Variants in RAP1B observed in about 807,000 individuals in gnomAD.
RAP1B encodes RAP1B, member of RAS oncogene family.
RAP1B carries 1 observed loss-of-function variant against 27.5 expected under a neutral mutation model. The observed-to-expected ratio is 0.04, with a 90% CI of 0.01 to 0.17. The LOEUF is 0.17. Ranked by LOEUF, RAP1B falls within the 10% of genes least tolerant of loss-of-function variation. The pLI is 1.00. For synonymous variants in RAP1B, 75 were observed against 73.1 expected (o/e 1.03, Z -0.13); for missense variants, 84 against 214.8 (o/e 0.39, Z 3.81).
chr12:68,651,903 G>A (rs1027188195), intron 3 of RAP1B, 92 bp from the exon 4 acceptor site: 20 of 951,300 alleles, frequency 2.1e-5, no homozygotes, highest in Middle Eastern at 2.5e-4. Context: ...AAATCTGTGT[G>A]TCTTATTTTT....
chr12:68,629,705 C>G (rs1326765276), intron 1 of RAP1B, among the ~76,000 whole-genome samples: 1 of 152,030 alleles, frequency 6.6e-6, no homozygotes, highest in East Asian at 1.9e-4. Context: ...TTAAACAACT[C>G]AATCTGTTAA....
chr12:68,620,466 G>A (rs1475975708), intron 1 of RAP1B, among the ~76,000 whole-genome samples: 16 of 151,832 alleles, frequency 1.1e-4, no homozygotes, highest in African/African-American at 3.6e-4. Context: ...CAGGTGATCC[G>A]CCCACCTCGG....
intron 1 of RAP1B, among the ~76,000 whole-genome samples, chr12:68,617,332 G>A (rs1871098757): frequency 6.6e-6 from 1 of 152,258 alleles, no homozygotes; most frequent in South Asian, 2.1e-4. Flanking sequence ...ACATATTTGT[G>A]GCTGATGCTT....
Position 68,662,797 on chromosome 12 carries a change from GAC to G in RAP1B, c.*3550_*3551del, listed in dbSNP as rs1874672355. ...TTTTTTTTTCAAACAAAACAAATCT[GAC>G]AGCCTGGGCAACATAGACCCCATCT... On this transcript the variant is annotated 3_prime_UTR_variant, in exon 8 of 8. Coordinates refer to ENST00000250559, the MANE Select transcript of RAP1B (RefSeq NM_001010942.3). 2 of 151,672 alleles carry G rather than the reference GAC, an allele frequency of 1.3e-5. No individual in the cohort carries two copies. The highest frequency in any genetic ancestry group is 4.8e-5 in the African/African-American group (2 of 41,278). 9.4% of individuals were successfully genotyped at this position (151,672 alleles called of 1,614,324 possible). A position where few individuals can be genotyped will look rare whatever the true frequency, so the allele number is the denominator to read the frequency against.
chr12:68,616,917 G>A (rs979273065), intron 1 of RAP1B, among the ~76,000 whole-genome samples: 3 of 152,158 alleles, frequency 2.0e-5, no homozygotes, highest in Non-Finnish European at 2.9e-5. Context: ...ACTGATTGCC[G>A]AAGTGGTGGA....
At chr12:68,655,501 A>G (rs574970487) in intron 5 of RAP1B, among the ~76,000 whole-genome samples, 53 of 150,838 alleles carry the variant, frequency 3.5e-4, no homozygotes, top group African/African-American at 1.3e-3. Flanking sequence ...AATCCATTTA[A>G]TAAGTGGCTT....
Position 68,610,962 on chromosome 12 carries a change from G to C in RAP1B, c.-108G>C, listed in dbSNP as rs1166570005. On this transcript the variant is annotated 5_prime_UTR_variant, in exon 1 of 8. Transcript: ENST00000250559. ...CAGCCGGAGCGGCGCGGCAGCGGCAGGACCGCCGTGGCGCCTAGAGTAGCG... is the reference window on the plus strand; with the variant it reads ...CAGCCGGAGCGGCGCGGCAGCGGCACGACCGCCGTGGCGCCTAGAGTAGCG... 2 of 314,630 alleles carry C rather than the reference G, an allele frequency of 6.4e-6. No individual in the cohort carries two copies. The highest frequency in any genetic ancestry group is 2.2e-5 in the African/African-American group (1 of 45,252). The allele number at this position is 314,630 out of a possible 1,614,324, so 19.5% of individuals were successfully genotyped here.
chr12:68,641,602 C>T (rs1277535997), intron 1 of RAP1B, among the ~76,000 whole-genome samples: 1 of 152,126 alleles, frequency 6.6e-6, no homozygotes, highest in African/African-American at 2.4e-5. Context: ...CTGTCAGTTA[C>T]TTTCATCAAT....
chr12:68,650,268 A>G lies in RAP1B; in HGVS notation c.58-132A>G. 3.9e-6 allele frequency: 3 copies of G among 762,628 alleles called. No individual in the cohort carries two copies. In the South Asian group the frequency reaches 7.9e-5, roughly 20 times the overall value. The allele number at this position is 762,628 out of a possible 1,614,324, so 47.2% of individuals were successfully genotyped here. On this transcript the variant is annotated intron_variant, in intron 2 of 7. Transcript: ENST00000250559. ...TTTCTTACCAAATGTACACATTCGAATGTAGTATTGGCTGTGGTTTTTTTT... is the reference window on the plus strand; with the variant it reads ...TTTCTTACCAAATGTACACATTCGAGTGTAGTATTGGCTGTGGTTTTTTTT...
In RAP1B at chr12:68,627,074, A is replaced by G. The variant is rs977787887; in HGVS notation, c.-27+16031A>G. The G allele has an allele frequency of 2.4e-5, 39 of 1,592,606 alleles. No individual in the cohort carries two copies. In the African/African-American group the frequency reaches 4.2e-4, roughly 17 times the overall value. ...TGGCCCTGCGCAGGGCCTCAATCAC[A>G]TGCTCCTTGTTCTGCAGCTTGGTGT... On this transcript the variant is annotated intron_variant, in intron 1 of 7. Coordinates refer to ENST00000250559, the MANE Select transcript of RAP1B (RefSeq NM_001010942.3).
At position 68,650,450 on chromosome 12, in the gene RAP1B, A is replaced by G; in HGVS notation, c.108A>G (p.Ile36Met). 1 of 1,556,904 alleles carries G rather than the reference A, an allele frequency of 6.4e-7. No homozygotes were observed. Among genetic ancestry groups the G allele is most frequent in the Admixed American group, 1.9e-5 (1 of 51,772 alleles). The change falls in exon 3 of 8, where the codon ATA (isoleucine) becomes ATG (methionine). Residue 36 changes from isoleucine (I) to methionine (M), a missense_variant. Coordinates refer to ENST00000250559, the MANE Select transcript of RAP1B (RefSeq NM_001010942.3). The stretch of plus-strand genomic sequence containing the variant: ...TTGTAGAAAAATACGATCCTACGAT[A>G]GAAGATTCTTATAGAAAGGTATATA... ...GIFVEKYDPT[I>M]EDSYRKQVEV...
chr12:68,633,208 A>C (rs1872389675), intron 1 of RAP1B, among the ~76,000 whole-genome samples: 1 of 151,882 alleles, frequency 6.6e-6, no homozygotes, highest in Non-Finnish European at 1.5e-5. Context: ...AAATTCCCCC[A>C]TACCTCCACT....
At chr12:68,627,930 G>C (rs1261458661) in intron 1 of RAP1B, among the ~76,000 whole-genome samples, 2 of 151,798 alleles carry the variant, frequency 1.3e-5, no homozygotes, top group Non-Finnish European at 2.9e-5. Context: ...GCAAGACCCT[G>C]TATCTGCAAA....
At chr12:68,611,991 C>T (rs1057238692) in intron 1 of RAP1B, among the ~76,000 whole-genome samples, 2 of 152,110 alleles carry the variant, frequency 1.3e-5, no homozygotes, top group Non-Finnish European at 1.5e-5. Flanking sequence ...CCTTCGCTTT[C>T]CCCCCTCTCC....
chr12:68,642,772 A>T, intron 1 of RAP1B: 2 of 1,060,572 alleles, frequency 1.9e-6, no homozygotes, highest in Non-Finnish European at 3.0e-6. Context: ...CCTTCAGGGC[A>T]TTAAACTTCT....
intron 1 of RAP1B, among the ~76,000 whole-genome samples, chr12:68,647,401 C>T (rs1331691447): frequency 2.5e-5 from 2 of 80,366 alleles, no homozygotes; most frequent in Non-Finnish European, 2.9e-5. Flanking sequence ...CCCCCCCCCC[C>T]CCCAAAAAAG....
chr12:68,632,144 T>TG lies in RAP1B; in HGVS notation c.-26-16555_-26-16554insG, dbSNP rs1391948884. 1.7e-4 allele frequency among the ~76,000 whole-genome samples: 20 copies of TG among 116,002 alleles called. 1 individual carries two copies. Among genetic ancestry groups the TG allele is most frequent in the African/African-American group, 6.5e-4 (18 of 27,672 alleles). 76.1% of individuals were successfully genotyped at this position (116,002 alleles called of 152,430 possible). A position where few individuals can be genotyped will look rare whatever the true frequency, so the allele number is the denominator to read the frequency against. On this transcript the variant is annotated intron_variant, in intron 1 of 7. Transcript: ENST00000250559. ...TTTTGGATTTGTTTTTTTTTTTTTT[T>TG]TGTTTGTTTTTTTTTTCCAGACTGT...
intron 1 of RAP1B, among the ~76,000 whole-genome samples, chr12:68,645,904 G>C (rs1389205592): frequency 1.3e-5 from 2 of 152,182 alleles, no homozygotes; most frequent in Admixed American, 6.5e-5. Flanking sequence ...AAATCAGCTG[G>C]TGTGAATGGG....
intron 4 of RAP1B, among the ~76,000 whole-genome samples, chr12:68,653,828 G>T (rs752392863): frequency 6.6e-6 from 1 of 152,056 alleles, no homozygotes; most frequent in Non-Finnish European, 1.5e-5. Context: ...CTACTCGGGA[G>T]GCTGAGGCAG....
Sources: allele counts gnomAD v4.1 joint callset (sites outside exome capture counted in the v4.1 genomes callset), GRCh38; gene constraint gnomAD v4.1.1; transcripts MANE v1.5; gene names NCBI Gene and HGNC (gene_info 2026-07-23, HGNC 2026-07-21).